COL27A1: variants seen among roughly 807,000 people sequenced by gnomAD.
The protein encoded by COL27A1 is collagen alpha-1(XXVII) chain.
Under a neutral mutation model 251.3 loss-of-function variants are expected in COL27A1, and 106 were observed. That is an observed-to-expected ratio of 0.42 (90% CI 0.36 to 0.50). COL27A1 has a LOEUF of 0.50. Among genes scored for constraint, COL27A1 ranks in the 20% least tolerant of loss-of-function variants. The probability of loss-of-function intolerance (pLI) is 0.00; values close to 1 mark genes in which losing one functional copy is unlikely to be tolerated. For missense variants in COL27A1, 2,325 were observed against 2,522.8 expected (o/e 0.92, Z 1.68); for synonymous variants, 1,000 against 986.3 (o/e 1.01, Z -0.26).
rs1163500218 is a variant in COL27A1 at position 114,240,266 on chromosome 9, G to A, written c.2774G>A (p.Gly925Asp). 6.2e-7 allele frequency: 1 copy of A among 1,600,880 alleles called. No homozygotes were observed. The highest frequency in any genetic ancestry group is 1.1e-5 in the South Asian group (1 of 88,416). The change falls in exon 20 of 61, where the codon GGC (glycine) becomes GAC (aspartate). Residue 925 changes from glycine (G) to aspartate (D), a missense_variant. Gly to Asp is a moderately conservative substitution (Grantham distance 94). Transcript: ENST00000356083. Reference protein sequence around the residue: ...IGPPGDNGPEGMKGKPGARGL... With the variant: ...IGPPGDNGPEDMKGKPGARGL... The stretch of plus-strand genomic sequence containing the variant: ...CCCCCTGGCGACAATGGCCCAGAAG[G>A]CATGAAGGTGAGTACCTGCCCAGGG...
chr9:114,282,185 T>G, intron 37 of COL27A1, 92 bp from the exon 38 acceptor site: 5 of 1,209,832 alleles, frequency 4.1e-6, no homozygotes, highest in Non-Finnish European at 6.1e-6. Flanking sequence ...GCCATCTGCC[T>G]CCAGAGCCGA....
chr9:114,239,116 G>C lies in COL27A1; in HGVS notation c.2728-1104G>C, dbSNP rs188848464. Reference sequence around the variant, plus strand: ...CTGATAAGCGCGGAAGCTGATAAGCGCGTCAGCACCCTGCCTGCTTCTTTC... The same window carrying C: ...CTGATAAGCGCGGAAGCTGATAAGCCCGTCAGCACCCTGCCTGCTTCTTTC... On this transcript the variant is annotated intron_variant, in intron 19 of 60. Transcript: ENST00000356083. Among the ~76,000 whole-genome samples the C allele has an allele frequency of 2.0e-4, 31 of 152,274 alleles. No homozygotes were observed. The South Asian group carries it at 2.3e-3, about 11-fold the overall frequency.
intron 12 of COL27A1, among the ~76,000 whole-genome samples, chr9:114,212,854 C>G (rs1026199043): frequency 5.3e-5 from 8 of 152,222 alleles, no homozygotes; most frequent in Admixed American, 6.5e-5. Flanking sequence ...AAGCCAATGA[C>G]TTCACCTTTG....
chr9:114,173,850 T>C (rs972433130), intron 3 of COL27A1, among the ~76,000 whole-genome samples: 8 of 152,214 alleles, frequency 5.3e-5, no homozygotes, highest in South Asian at 4.2e-4. Context: ...TCACATTTGC[T>C]TGGAGAACTG....
intron 5 of COL27A1, among the ~76,000 whole-genome samples, chr9:114,194,035 G>A (rs1422506377): frequency 6.6e-6 from 1 of 152,194 alleles, no homozygotes; most frequent in African/African-American, 2.4e-5. Context: ...CTGGTCGCAG[G>A]ACAGTGTGGG....
intron 2 of COL27A1, among the ~76,000 whole-genome samples, chr9:114,166,886 C>T (rs140862236): frequency 7.2e-5 from 11 of 152,324 alleles, no homozygotes; most frequent in African/African-American, 2.4e-4. Flanking sequence ...ACAGAGGTTG[C>T]AGGGATGCTT....
chr9:114,196,733 T>C (rs1259126534), intron 7 of COL27A1, among the ~76,000 whole-genome samples: 1 of 152,204 alleles, frequency 6.6e-6, no homozygotes, highest in South Asian at 2.1e-4. Flanking sequence ...TCAGCCATGC[T>C]GGGGGAGTTA....
intron 37 of COL27A1, among the ~76,000 whole-genome samples, chr9:114,279,788 G>A (rs1835792363): frequency 6.6e-6 from 1 of 152,186 alleles, no homozygotes; most frequent in South Asian, 2.1e-4. Flanking sequence ...CAGAGGTTGA[G>A]GCTTCAGTGA....
chr9:114,236,742 T>C (rs1832426117), intron 17 of COL27A1, among the ~76,000 whole-genome samples: 1 of 152,152 alleles, frequency 6.6e-6, no homozygotes, highest in East Asian at 1.9e-4. Flanking sequence ...GGGTCCCTGA[T>C]TCTTCCTGGT....
At position 114,237,053 on chromosome 9, in the gene COL27A1, A is replaced by C; in HGVS notation, c.2673+19A>C. The C allele has an allele frequency of 1.3e-6, 2 of 1,587,770 alleles. No individual in the cohort carries two copies. Among genetic ancestry groups the C allele is most frequent in the Middle Eastern group, 1.7e-4 (1 of 5,916 alleles). On this transcript the variant is annotated intron_variant, in intron 18 of 60. Transcript: ENST00000356083. ...GCCTCTGGTAAGTACCTGCTCCTCC[A>C]GCACCCCCAAACCTCACACTCTCCA...
At chr9:114,235,575 CCTT>C (rs768549320) in intron 16 of COL27A1, 21 bp from the exon 17 acceptor site, 434 of 1,608,662 alleles carry the variant, frequency 2.7e-4, no homozygotes, top group Admixed American at 3.7e-4. Context: ...TCCATTGTAA[CCTT>C]CTTTGCTGGT....
chr9:114,224,377 C>A (rs78229607), intron 14 of COL27A1, among the ~76,000 whole-genome samples: 1 of 152,150 alleles, frequency 6.6e-6, no homozygotes, highest in Non-Finnish European at 1.5e-5. Context: ...GAGCCCGAGT[C>A]GTCCTCACTG....
At chr9:114,288,326 C>G in intron 41 of COL27A1, 129 bp from the exon 42 acceptor site, 2 of 940,566 alleles carry the variant, frequency 2.1e-6, no homozygotes, top group East Asian at 5.2e-5. Context: ...CCTTCCCTCT[C>G]TAGTTTGTGT....
At chr9:114,199,676 G>A (rs996623295) in intron 7 of COL27A1, among the ~76,000 whole-genome samples, 1 of 152,122 alleles carries the variant, frequency 6.6e-6, no homozygotes, top group East Asian at 1.9e-4. Flanking sequence ...TGACCATTTG[G>A]CCTCCCTTCT....
chr9:114,189,252 T>A (rs78599542), intron 5 of COL27A1, among the ~76,000 whole-genome samples: 4,074 of 152,282 alleles, frequency 0.027, 162 homozygotes, highest in African/African-American at 0.086. Context: ...GTGATGGAAA[T>A]GAAGTTGGGC....
chr9:114,284,788 G>A lies in COL27A1; in HGVS notation c.3987+11G>A, dbSNP rs1827342541. On this transcript the variant is annotated intron_variant, in intron 41 of 60. Coordinates refer to ENST00000356083, the MANE Select transcript of COL27A1 (RefSeq NM_032888.4). ...CCAAAAGGCGAAAAGGTGGGTGTTTGCTCTGGGGAAAGCAGCTGCACCCTC... is the reference window on the plus strand; with the variant it reads ...CCAAAAGGCGAAAAGGTGGGTGTTTACTCTGGGGAAAGCAGCTGCACCCTC... 6.2e-7 allele frequency: 1 copy of A among 1,614,122 alleles called. No homozygotes were observed.
intron 16 of COL27A1, among the ~76,000 whole-genome samples, chr9:114,232,799 A>G (rs537378817): frequency 6.6e-6 from 1 of 152,336 alleles, no homozygotes; most frequent in African/African-American, 2.4e-5. Context: ...TGGGCCGGGC[A>G]CAGTGGCTCA....
intron 14 of COL27A1, among the ~76,000 whole-genome samples, 193 bp from the exon 15 acceptor site, chr9:114,230,886 A>G (rs1368107535): frequency 2.0e-5 from 3 of 152,176 alleles, no homozygotes; most frequent in Admixed American, 6.5e-5. Flanking sequence ...TTGGGCAGGG[A>G]TCTTTATGAA....
chr9:114,209,396 C>A, intron 10 of COL27A1: 1 of 718,416 alleles, frequency 1.4e-6, no homozygotes, highest in Non-Finnish European at 2.6e-6. Flanking sequence ...GGAGCCCTGG[C>A]GTGGGGCGGG....
Sources: gnomAD v4.1 joint callset for allele counts (sites outside exome capture counted in the v4.1 genomes callset) on GRCh38, gnomAD v4.1.1 for gene constraint, MANE v1.5 for transcripts, NCBI Gene and HGNC (gene_info 2026-07-23, HGNC 2026-07-21) for gene names.